The following CLVS1 variants were observed in gnomAD, a reference collection of about 807,000 sequenced individuals.
CLVS1 encodes clavesin-1.
Under a neutral mutation model 33.1 loss-of-function variants are expected in CLVS1, and 10 were observed. That is an observed-to-expected ratio of 0.30 (90% confidence interval 0.19 to 0.51). The LOEUF (loss-of-function observed/expected upper bound fraction) is 0.51. Among genes scored for constraint, CLVS1 ranks in the 20% least tolerant of loss-of-function variants. The pLI, the probability that CLVS1 is intolerant of heterozygous loss-of-function variation, is 0.97. For missense variants in CLVS1, 343 were observed against 433.4 expected (o/e 0.79, Z 1.85); for synonymous variants, 163 against 166.1 (o/e 0.98, Z 0.14).
At chr8:60,969,035 G>A in the CLVS1 span, among the ~76,000 whole-genome samples, 1 of 151,876 alleles carries the variant, frequency 6.6e-6, no homozygotes, top group Non-Finnish European at 1.5e-5. Flanking sequence ...TGTTCACCTT[G>A]TGGTGGAGAC....
At chr8:61,062,383 A>G (rs1804597632) in intron 1 of CLVS1, among the ~76,000 whole-genome samples, 1 of 152,234 alleles carries the variant, frequency 6.6e-6, no homozygotes, top group Non-Finnish European at 1.5e-5. Flanking sequence ...TACTGATTTA[A>G]TCTCTAGGAG....
chr8:61,029,543 A>G, the CLVS1 span, among the ~76,000 whole-genome samples: 1 of 152,066 alleles, frequency 6.6e-6, no homozygotes, highest in Non-Finnish European at 1.5e-5. Flanking sequence ...GGACCTGCTA[A>G]CAGGGAGCCC....
At chr8:60,994,534 G>A in the CLVS1 span, among the ~76,000 whole-genome samples, 1 of 152,136 alleles carries the variant, frequency 6.6e-6, no homozygotes, top group Non-Finnish European at 1.5e-5. Flanking sequence ...ACTCTGACTT[G>A]GCTGAATTAG....
At chr8:61,481,080 T>C (rs1387454662) in intron 5 of CLVS1, among the ~76,000 whole-genome samples, 1 of 152,112 alleles carries the variant, frequency 6.6e-6, no homozygotes, top group Non-Finnish European at 1.5e-5. Flanking sequence ...TAGGACAGGC[T>C]TCACACATAA....
intron 3 of CLVS1, among the ~76,000 whole-genome samples, chr8:61,395,950 A>G (rs1201700936): frequency 6.6e-6 from 1 of 152,190 alleles, no homozygotes; most frequent in African/African-American, 2.4e-5. Flanking sequence ...TTGATTTTGA[A>G]GTAATATATA....
At chr8:60,985,331 G>A in the CLVS1 span, among the ~76,000 whole-genome samples, 2 of 152,220 alleles carry the variant, frequency 1.3e-5, no homozygotes, top group Admixed American at 6.5e-5. Context: ...CGGGATAACT[G>A]GCACCAGCCA....
intron 2 of CLVS1, among the ~76,000 whole-genome samples, chr8:61,215,281 C>A (rs1808059750): frequency 6.6e-6 from 1 of 151,920 alleles, no homozygotes; most frequent in South Asian, 2.1e-4. Context: ...TTTAAATGGG[C>A]TATATAAAAG....
chr8:61,221,059 C>T (rs551461811), intron 2 of CLVS1, among the ~76,000 whole-genome samples: 4 of 152,248 alleles, frequency 2.6e-5, no homozygotes, highest in Non-Finnish European at 5.9e-5. Context: ...GCTGAAGTTG[C>T]TTATCAGTTC....
At chr8:61,067,497 T>A (rs1804704428) in intron 1 of CLVS1, among the ~76,000 whole-genome samples, 1 of 149,400 alleles carries the variant, frequency 6.7e-6, no homozygotes, top group African/African-American at 2.4e-5. Context: ...ATATTAATAA[T>A]ATATAATTAT....
chr8:61,129,287 A>G (rs1346276409), intron 1 of CLVS1, among the ~76,000 whole-genome samples: 1 of 152,160 alleles, frequency 6.6e-6, no homozygotes, highest in Non-Finnish European at 1.5e-5. Flanking sequence ...GGTTGAGTGA[A>G]GTTTGTCTGC....
At chr8:61,339,816 G>T (rs1269577529) in intron 2 of CLVS1, among the ~76,000 whole-genome samples, 1 of 142,682 alleles carries the variant, frequency 7.0e-6, no homozygotes, top group Non-Finnish European at 1.5e-5. Context: ...AAGGAAAGGA[G>T]GGAAAGAAAG....
chr8:61,067,852 T>C (rs1354791955), intron 1 of CLVS1, among the ~76,000 whole-genome samples: 1 of 152,018 alleles, frequency 6.6e-6, no homozygotes, highest in African/African-American at 2.4e-5. Flanking sequence ...GGTCAAGGGC[T>C]GTAAAACCAA....
At chr8:61,120,916 T>A (rs61022870) in intron 1 of CLVS1, among the ~76,000 whole-genome samples, 56 of 145,458 alleles carry the variant, frequency 3.8e-4, no homozygotes, top group Middle Eastern at 3.4e-3. Context: ...TCCAGCTTCC[T>A]GGCTGCTTTG....
At chr8:61,249,999 G>A (rs1303425559) in intron 2 of CLVS1, among the ~76,000 whole-genome samples, 1 of 152,164 alleles carries the variant, frequency 6.6e-6, no homozygotes. Context: ...CCATGCCTAT[G>A]TCCTGTAGGG....
At chr8:61,062,419 T>G (rs2129278107) in intron 1 of CLVS1, among the ~76,000 whole-genome samples, 1 of 152,334 alleles carries the variant, frequency 6.6e-6, no homozygotes, top group South Asian at 2.1e-4. Context: ...AAAATGTTGA[T>G]GTAACTACGT....
chr8:61,192,426 G>T (rs1349136425), intron 2 of CLVS1, among the ~76,000 whole-genome samples: 2 of 152,126 alleles, frequency 1.3e-5, no homozygotes, highest in East Asian at 3.8e-4. Flanking sequence ...AAAAACCCTA[G>T]AAGAAAACCA....
intron 1 of CLVS1, among the ~76,000 whole-genome samples, chr8:61,068,225 ATGTG>A (rs143987701): frequency 0.18 from 19,942 of 113,714 alleles, 1,589 homozygotes; most frequent in East Asian, 0.33. Flanking sequence ...ATATGTATGT[ATGTG>A]TATATATATA....
At chr8:61,103,509 C>T (rs1322446278) in intron 1 of CLVS1, among the ~76,000 whole-genome samples, 1 of 152,170 alleles carries the variant, frequency 6.6e-6, no homozygotes, top group South Asian at 2.1e-4. Flanking sequence ...GGGTCCATGA[C>T]TTTTTGAAGA....
intron 2 of CLVS1, among the ~76,000 whole-genome samples, chr8:61,312,647 G>T (rs542804390): frequency 6.6e-6 from 1 of 152,290 alleles, no homozygotes; most frequent in East Asian, 1.9e-4. Context: ...GATTGTTAAT[G>T]TTAATAATGC....
Sources: gnomAD v4.1 joint callset for allele counts (sites outside exome capture counted in the v4.1 genomes callset) on GRCh38, gnomAD v4.1.1 for gene constraint, MANE v1.5 for transcripts, NCBI Gene and HGNC (gene_info 2026-07-23, HGNC 2026-07-21) for gene names.